The following RALGAPA1 variants were observed in gnomAD, a reference collection of about 807,000 sequenced individuals.
The protein encoded by RALGAPA1 is ral GTPase-activating protein subunit alpha-1.
In RALGAPA1, 52 loss-of-function variants were observed where a neutral mutation model predicts 269.6. That is an observed-to-expected ratio of 0.19 (90% CI 0.15 to 0.24). The LOEUF (loss-of-function observed/expected upper bound fraction) is 0.24. RALGAPA1 is among the 10% of genes least tolerant of loss of function. RALGAPA1 has a pLI of 1.00. For missense variants in RALGAPA1, 1,917 were observed against 3,013.9 expected, an observed-to-expected ratio of 0.64 and a Z score of 8.52; for synonymous variants, 817 against 1,008.3, an observed-to-expected ratio of 0.81 and a Z score of 3.60.
intron 27 of RALGAPA1, among the ~76,000 whole-genome samples, chr14:35,663,851 A>G (rs1304996361): frequency 1.3e-5 from 2 of 152,066 alleles, no homozygotes; most frequent in East Asian, 3.9e-4. Flanking sequence ...TCGGCCTCCC[A>G]AAGTGCTGGG....
intron 39 of RALGAPA1, among the ~76,000 whole-genome samples, chr14:35,556,985 A>C (rs1242796693): frequency 6.6e-6 from 1 of 152,188 alleles, no homozygotes; most frequent in Non-Finnish European, 1.5e-5. Flanking sequence ...AACCTTAAAT[A>C]AATAGGCTTA....
At chr14:35,542,147 T>G (rs2054068321) in intron 41 of RALGAPA1, 1 of 473,258 alleles carries the variant, frequency 2.1e-6, no homozygotes, top group Non-Finnish European at 3.5e-6. Flanking sequence ...TCCTAATCAC[T>G]CAGACATAAA....
At chr14:35,570,832 A>G in intron 38 of RALGAPA1, 88 bp from the exon 39 acceptor site, 1 of 1,219,414 alleles carries the variant, frequency 8.2e-7, no homozygotes, top group Non-Finnish European at 1.1e-6. Flanking sequence ...ATCCAAAAGT[A>G]TTTCTGCTGC....
At chr14:35,710,811 AT>A (rs2068259191) in intron 16 of RALGAPA1, among the ~76,000 whole-genome samples, 1 of 152,182 alleles carries the variant, frequency 6.6e-6, no homozygotes, top group South Asian at 2.1e-4. Flanking sequence ...TTACACAAAT[AT>A]TTACCATTGT....
intron 27 of RALGAPA1, among the ~76,000 whole-genome samples, chr14:35,663,299 A>C (rs554774513): frequency 1.8e-4 from 28 of 152,300 alleles, no homozygotes; most frequent in African/African-American, 6.3e-4. Context: ...GAAGTCAGAC[A>C]TTGAACACGT....
intron 1 of RALGAPA1, among the ~76,000 whole-genome samples, chr14:35,793,593 CAA>C (rs561490283): frequency 1.6e-3 from 216 of 135,166 alleles, no homozygotes; most frequent in African/African-American, 6.3e-3. Flanking sequence ...GATACACACA[CAA>C]ACACACACAC....
At chr14:35,588,952 T>C (rs2058473140) in intron 37 of RALGAPA1, among the ~76,000 whole-genome samples, 1 of 152,176 alleles carries the variant, frequency 6.6e-6, no homozygotes, top group African/African-American at 2.4e-5. Context: ...CTGTCATTTA[T>C]AAAAACACGG....
chr14:35,606,212 T>C (rs932231592), intron 35 of RALGAPA1, among the ~76,000 whole-genome samples: 5 of 152,224 alleles, frequency 3.3e-5, no homozygotes, highest in South Asian at 2.1e-4. Flanking sequence ...GGATAAATTC[T>C]GAGAAATGTG....
At position 35,725,089 on chromosome 14, in the gene RALGAPA1, A is replaced by T; in HGVS notation, c.1801T>A (p.Phe601Ile). 1.9e-6 allele frequency: 3 copies of T among 1,609,716 alleles called. No homozygotes were observed. Among genetic ancestry groups the T allele is most frequent in the Non-Finnish European group, 2.5e-6 (3 of 1,177,608 alleles). Reference protein sequence around the residue: ...ESVLKMPSQAFLQFQGKKNMT... With the variant: ...ESVLKMPSQAILQFQGKKNMT... ...TTTTTTTTCCCTTGGAACTGTAGAAAAGCTTGTGATGGCATCTTCAGTACA... is the reference window on the plus strand; with the variant it reads ...TTTTTTTTCCCTTGGAACTGTAGAATAGCTTGTGATGGCATCTTCAGTACA... The change falls in exon 14 of 42, where the codon TTT (phenylalanine) becomes ATT (isoleucine). Residue 601 changes from phenylalanine to isoleucine, a missense_variant. Around this residue, in one of 11 missense-constraint regions of RALGAPA1, gnomAD observed 462 missense variants for 725.6 expected, o/e 0.64. Coordinates refer to ENST00000680220, the MANE Select transcript of RALGAPA1 (RefSeq NM_001346249.2).
In RALGAPA1 at chr14:35,549,221, C is replaced by A; in HGVS notation, c.7510G>T (p.Ala2504Ser). ...PLYQNFYEER[A>S]RYLQTIVQHH... ...TGGACAATTGTTTGCAGGTATCGTGCTCTCTCCTCATAGCTGATTTCCTTT... is the reference window on the plus strand; with the variant it reads ...TGGACAATTGTTTGCAGGTATCGTGATCTCTCCTCATAGCTGATTTCCTTT... Residue 2504 changes from alanine to serine, a missense_variant, in exon 40 of 42, where the codon GCA becomes TCA. Coordinates refer to ENST00000680220, the MANE Select transcript of RALGAPA1 (RefSeq NM_001346249.2). The A allele has an allele frequency of 1.2e-6, 2 of 1,612,584 alleles. No homozygotes were observed. The highest frequency in any genetic ancestry group is 1.7e-6 in the Non-Finnish European group (2 of 1,179,016).
intron 7 of RALGAPA1, among the ~76,000 whole-genome samples, chr14:35,753,589 A>G (rs995019253): frequency 4.6e-5 from 7 of 152,238 alleles, no homozygotes; most frequent in Non-Finnish European, 8.8e-5. Context: ...CTAGTCAATA[A>G]AGACTACATA....
At chr14:35,678,280 C>T (rs1276234725) in intron 21 of RALGAPA1, among the ~76,000 whole-genome samples, 178 bp from the exon 22 acceptor site, 1 of 152,028 alleles carries the variant, frequency 6.6e-6, no homozygotes, top group African/African-American at 2.4e-5. Flanking sequence ...CTAGGAGTCT[C>T]CTCTCATGTC....
chr14:35,688,451 G>C lies in RALGAPA1; in HGVS notation c.3952+8C>G. ...TCCTTTTGCGCTCTGCACACTGTTA[G>C]TGCTCACCTGCAGCTTTCCTTCCAA... On this transcript the variant is annotated splice_region_variant and intron_variant, in intron 18 of 41. Coordinates refer to ENST00000680220, the MANE Select transcript of RALGAPA1 (RefSeq NM_001346249.2). The C allele has an allele frequency of 6.5e-7, 1 of 1,536,078 alleles. No homozygotes were observed. Among genetic ancestry groups the C allele is most frequent in the Non-Finnish European group, 8.7e-7 (1 of 1,146,880 alleles).
chr14:35,792,115 G>A (rs1034806635), intron 1 of RALGAPA1, among the ~76,000 whole-genome samples: 1 of 151,980 alleles, frequency 6.6e-6, no homozygotes, highest in Non-Finnish European at 1.5e-5. Context: ...GTATCACATA[G>A]GCAAAGGAAA....
chr14:35,559,157 T>G (rs769086729), intron 39 of RALGAPA1, among the ~76,000 whole-genome samples: 1 of 152,176 alleles, frequency 6.6e-6, no homozygotes. Flanking sequence ...TTGAGAGGAA[T>G]AGCAGTTAGA....
Position 35,690,038 on chromosome 14 carries a change from T to A in RALGAPA1, c.2408-35A>T. ...AAAAAAAAATTATGTAGAGAAGAAC[T>A]ACACAAATATAAAAAATAATTATTA... On this transcript the variant is annotated intron_variant, in intron 17 of 41. Coordinates refer to ENST00000680220, the MANE Select transcript of RALGAPA1 (RefSeq NM_001346249.2). 3 of 1,337,756 alleles carry A rather than the reference T, an allele frequency of 2.2e-6. 1 individual carries two copies. In the South Asian group the frequency reaches 4.2e-5, roughly 19 times the overall value. 82.9% of individuals were successfully genotyped at this position (1,337,756 alleles called of 1,614,324 possible). A position where few individuals can be genotyped will look rare whatever the true frequency, so the allele number is the denominator to read the frequency against.
At chr14:35,792,021 T>G (rs1368084069) in intron 1 of RALGAPA1, among the ~76,000 whole-genome samples, 2 of 151,804 alleles carry the variant, frequency 1.3e-5, no homozygotes, top group Non-Finnish European at 2.9e-5. Context: ...TTTTATATAA[T>G]TCAACTACTT....
chr14:35,678,149 C>T, intron 21 of RALGAPA1, 47 bp from the exon 22 acceptor site: 4 of 1,548,072 alleles, frequency 2.6e-6, no homozygotes, highest in Non-Finnish European at 3.5e-6. Context: ...ATTCAATATC[C>T]TACCTAAGAT....
Position 35,627,846 on chromosome 14 carries a change from A to G in RALGAPA1, c.6101T>C (p.Met2034Thr). 6.3e-7 allele frequency: 1 copy of G among 1,592,970 alleles called. No homozygotes were observed. Among genetic ancestry groups the G allele is most frequent in the Non-Finnish European group, 8.6e-7 (1 of 1,164,980 alleles). Reference protein sequence around the residue: ...GHYPMSGGPAMLTSQVCENHD... With the variant: ...GHYPMSGGPATLTSQVCENHD... ...ATTTTCACACACCTGACTTGTTAGCATAGCAGGACCACCGCTCATTGGATA... is the reference window on the plus strand; with the variant it reads ...ATTTTCACACACCTGACTTGTTAGCGTAGCAGGACCACCGCTCATTGGATA... Residue 2034 changes from methionine (M) to threonine (T), a missense_variant, in exon 34 of 42, where the codon ATG (methionine) becomes ACG (threonine). Physicochemically the swap from Met to Thr is moderately conservative, Grantham distance 81 (BLOSUM62 -1). Coordinates refer to ENST00000680220, the MANE Select transcript of RALGAPA1 (RefSeq NM_001346249.2).
Sources: allele counts gnomAD v4.1 joint callset (sites outside exome capture counted in the v4.1 genomes callset), GRCh38; gene constraint gnomAD v4.1.1; regional missense constraint gnomAD v4.1.1; transcripts MANE v1.5; gene names NCBI Gene and HGNC (gene_info 2026-07-23, HGNC 2026-07-21).